ZNF516: variants seen among roughly 807,000 people sequenced by gnomAD.
ZNF516 encodes the protein zinc finger protein 516.
ZNF516 carries 19 observed loss-of-function variants against 79.7 expected under a neutral mutation model. The ratio of observed to expected loss-of-function variants is 0.24; its 90% CI spans 0.17 to 0.35. The LOEUF is 0.35. ZNF516 is among the 10% of genes least tolerant of loss of function. The pLI is 1.00. For synonymous variants in ZNF516, 877 were observed against 739.5 expected, an observed-to-expected ratio of 1.19 and a Z score of -3.02; for missense variants, 1,678 against 1,679.5, an observed-to-expected ratio of 1.00 and a Z score of 0.02.
chr18:76,377,670 T>C (rs1186217201), intron 4 of ZNF516, among the ~76,000 whole-genome samples: 1 of 152,056 alleles, frequency 6.6e-6, no homozygotes, highest in Non-Finnish European at 1.5e-5. Flanking sequence ...GGATCTCAGA[T>C]GTTCTAATGG....
Position 76,378,928 on chromosome 18 carries a change from C to A in ZNF516, c.3186G>T (p.Lys1062Asn). 1 of 1,613,872 alleles carries A rather than the reference C, an allele frequency of 6.2e-7. No homozygotes were observed. Among genetic ancestry groups the A allele is most frequent in the Non-Finnish European group, 8.5e-7 (1 of 1,179,832 alleles). ...EKRLDILNIF[K>N]TYIPKDFATL... Reference sequence around the variant, plus strand: ...TCGCAAAGTCCTTTGGAATGTACGTCTTAAAGATGTTGAGGATGTCCAGGC... The same window carrying A: ...TCGCAAAGTCCTTTGGAATGTACGTATTAAAGATGTTGAGGATGTCCAGGC... The change falls in exon 4 of 7, where the codon AAG (lysine) becomes AAT (asparagine). Residue 1062 changes from lysine (K) to asparagine (N), a missense_variant. Transcript: ENST00000443185.
rs1326927037 is a variant in ZNF516 at position 76,467,511 on chromosome 18, C to T, written c.-271-4370G>A. On this transcript the variant is annotated intron_variant, in intron 1 of 6. Coordinates refer to ENST00000443185, the MANE Select transcript of ZNF516 (RefSeq NM_014643.4). The surrounding 1 kb of genome is among the most constrained non-coding windows in gnomAD (Gnocchi z 4.2). ...GGGGGCAGTGCTGGAATTACAGCAT[C>T]CACAGGTGCTGGGCTTTCCTGGAGG... is the stretch of plus-strand genomic sequence containing the variant. Among the ~76,000 whole-genome samples, 1 of 152,130 alleles carries T rather than the reference C, an allele frequency of 6.6e-6. No individual in the cohort carries two copies. The highest frequency in any genetic ancestry group is 1.5e-5 in the Non-Finnish European group (1 of 68,016).
rs186890625 is a variant in ZNF516, at chr18:76,444,501, C to G, written c.-157-1290G>C. Among the ~76,000 whole-genome samples, 722 of 152,334 alleles carry G rather than the reference C, an allele frequency of 4.7e-3. 5 individuals carry two copies. The highest frequency in any genetic ancestry group is 5.5e-3 in the Non-Finnish European group (376 of 68,032). On this transcript the variant is annotated intron_variant, in intron 2 of 6. Coordinates refer to ENST00000443185, the MANE Select transcript of ZNF516 (RefSeq NM_014643.4). ...GCTTAAACATCTATAAAACCCAAAG[C>G]AGCTCCATATTTCCGGCTGGGAAGC... is the stretch of plus-strand genomic sequence containing the variant.
rs977529715 is a variant in ZNF516 at position 76,459,457 on chromosome 18, G to A, written c.-158+3571C>T. 6.6e-6 allele frequency among the ~76,000 whole-genome samples: 1 copy of A among 152,216 alleles called. No homozygotes were observed. The highest frequency in any genetic ancestry group is 2.4e-5 in the African/African-American group (1 of 41,456). On this transcript the variant is annotated intron_variant, in intron 2 of 6. Coordinates refer to ENST00000443185, the MANE Select transcript of ZNF516 (RefSeq NM_014643.4). This position sits in a 1 kb window ranked among gnomAD's most constrained non-coding sequence, Gnocchi z 5.0. ...CCACTGCCGGCCAGGGAGGCCTCGC[G>A]TGCCAAGCTGGCCCTGAGCTCAGCC...
intron 3 of ZNF516, among the ~76,000 whole-genome samples, chr18:76,392,434 G>A (rs142494762): frequency 8.3e-4 from 127 of 152,214 alleles, no homozygotes; most frequent in African/African-American, 2.8e-3. Flanking sequence ...AGGAAGTAGC[G>A]CAGCCTGGGA....
chr18:76,492,305 C>G, intron 1 of ZNF516: 8 of 985,488 alleles, frequency 8.1e-6, no homozygotes, highest in Non-Finnish European at 9.6e-6. Flanking sequence ...CACATCACTA[C>G]CGATATTCCT....
chr18:76,413,077 G>A (rs750717033), intron 3 of ZNF516, among the ~76,000 whole-genome samples: 5 of 152,226 alleles, frequency 3.3e-5, no homozygotes, highest in Non-Finnish European at 5.9e-5. Context: ...AGCGGGAAGC[G>A]GAGGCAGAAA....
intron 3 of ZNF516, among the ~76,000 whole-genome samples, chr18:76,432,678 A>T (rs2075678141): frequency 6.6e-6 from 1 of 152,222 alleles, no homozygotes; most frequent in East Asian, 1.9e-4. Flanking sequence ...TCCAAAGGCC[A>T]TCAGGCCCAC....
At position 76,362,054 on chromosome 18, in the gene ZNF516, G is replaced by A. The variant is rs1462200325; in HGVS notation, c.*444C>T. On this transcript the variant is annotated 3_prime_UTR_variant, in exon 7 of 7. Transcript: ENST00000443185. ...GTCTTGTTCTGACATCATCCCCACA[G>A]TCCCTCTTAACATGGGAGGCCCCTG... The A allele has an allele frequency of 6.4e-6, 1 of 156,800 alleles. No homozygotes were observed. Among genetic ancestry groups the A allele is most frequent in the African/African-American group, 2.4e-5 (1 of 41,528 alleles). The allele number at this position is 156,800 out of a possible 1,614,324, so 9.7% of individuals were successfully genotyped here.
At chr18:76,447,411 G>A (rs1260697119) in intron 2 of ZNF516, among the ~76,000 whole-genome samples, 1 of 152,220 alleles carries the variant, frequency 6.6e-6, no homozygotes, top group Non-Finnish European at 1.5e-5. Flanking sequence ...GTGATAAAGT[G>A]CTACCTACCT....
At chr18:76,439,578 A>T (rs550974441) in intron 3 of ZNF516, among the ~76,000 whole-genome samples, 38 of 152,342 alleles carry the variant, frequency 2.5e-4, no homozygotes, top group Admixed American at 4.6e-4. Flanking sequence ...AAATTTAATG[A>T]GCCTGAAAAA....
intron 6 of ZNF516, 48 bp downstream of exon 6, chr18:76,370,480 C>A: frequency 6.5e-7 from 1 of 1,532,594 alleles, no homozygotes; most frequent in South Asian, 1.2e-5. Context: ...TGCACCTTTC[C>A]CAGCTACCGC....
chr18:76,431,132 T>C (rs2075654970), intron 3 of ZNF516, among the ~76,000 whole-genome samples: 1 of 151,882 alleles, frequency 6.6e-6, no homozygotes. Flanking sequence ...AGCCGACAAA[T>C]CCCTCATGAA....
chr18:76,457,308 A>G (rs953622202), intron 2 of ZNF516, among the ~76,000 whole-genome samples: 2 of 152,256 alleles, frequency 1.3e-5, no homozygotes, highest in Non-Finnish European at 1.5e-5. Context: ...AAGCAGAGCC[A>G]TATTTGTTTT....
chr18:76,460,376 C>G (rs1241876268), intron 2 of ZNF516, among the ~76,000 whole-genome samples: 1 of 152,186 alleles, frequency 6.6e-6, no homozygotes, highest in Non-Finnish European at 1.5e-5. Flanking sequence ...TCCAGGCCCC[C>G]GCTCTCTGGT....
rs976684778 is a variant in ZNF516 at position 76,493,074 on chromosome 18, G to A, written c.-272+2070C>T. 3.0e-6 allele frequency: 3 copies of A among 985,126 alleles called. No homozygotes were observed. In the African/African-American group the frequency reaches 5.2e-5, roughly 17 times the overall value. The allele number at this position is 985,126 out of a possible 1,614,324, so 61.0% of individuals were successfully genotyped here. A position where few individuals can be genotyped will look rare whatever the true frequency, so the allele number is the denominator to read the frequency against. On this transcript the variant is annotated intron_variant, in intron 1 of 6. Transcript: ENST00000443185. This position sits in a 1 kb window ranked among gnomAD's most constrained non-coding sequence, Gnocchi z 5.2. ...GCCGTCACTCACGCCCAGGGGGCAG[G>A]GAGACTTCGCAAAGCTGTTTCCTTT...
intron 1 of ZNF516, among the ~76,000 whole-genome samples, chr18:76,478,085 ACT>A (rs1458643846): frequency 1.3e-5 from 2 of 152,208 alleles, no homozygotes; most frequent in African/African-American, 2.4e-5. Context: ...GTTTTTGTAA[ACT>A]CTGGTGGAGA....
At position 76,358,245 on chromosome 18, in the gene ZNF516, T is replaced by C. The variant is rs539351598; in HGVS notation, c.*4253A>G. 2.6e-4 allele frequency: 40 copies of C among 152,386 alleles called. No homozygotes were observed. The highest frequency in any genetic ancestry group is 9.4e-4 in the African/African-American group (39 of 41,598). 9.4% of individuals were successfully genotyped at this position (152,386 alleles called of 1,614,324 possible). A position where few individuals can be genotyped will look rare whatever the true frequency, so the allele number is the denominator to read the frequency against. On this transcript the variant is annotated 3_prime_UTR_variant, in exon 7 of 7. Coordinates refer to ENST00000443185, the MANE Select transcript of ZNF516 (RefSeq NM_014643.4). ...AAATTCCAATAGAATGAATATGTTT[T>C]ATCTAAATATTTTTATCACACAACT...
chr18:76,424,440 G>A (rs1369728400), intron 3 of ZNF516, among the ~76,000 whole-genome samples: 2 of 143,024 alleles, frequency 1.4e-5, no homozygotes, highest in Non-Finnish European at 3.0e-5. Flanking sequence ...ACACGCAGGT[G>A]AAAAGGCTCC....
Sources: allele counts gnomAD v4.1 joint callset (sites outside exome capture counted in the v4.1 genomes callset), GRCh38; gene constraint gnomAD v4.1.1; non-coding constraint Gnocchi (gnomAD v3.1); transcripts MANE v1.5; gene names NCBI Gene and HGNC (gene_info 2026-07-23, HGNC 2026-07-21).